Variants in RBFOX1 observed in about 807,000 individuals in gnomAD.
RBFOX1 encodes the protein RNA binding fox-1 homolog 1.
A neutral mutation model predicts 57.7 loss-of-function variants in RBFOX1; 8 were observed. The observed-to-expected ratio is 0.14, with a 90% confidence interval of 0.08 to 0.25. The LOEUF (loss-of-function observed/expected upper bound fraction) is 0.25. RBFOX1 is among the 10% of genes least tolerant of loss of function. RBFOX1 has a pLI of 1.00. For missense variants in RBFOX1, 611 were observed against 548.5 expected (o/e 1.11, Z -1.14); for synonymous variants, 326 against 222.4 (o/e 1.47, Z -4.15).
intron 2 of RBFOX1, among the ~76,000 whole-genome samples, chr16:5,596,297 T>G (rs1461000346): frequency 2.6e-5 from 4 of 152,322 alleles, no homozygotes; most frequent in East Asian, 1.9e-4. Flanking sequence ...TTCTCTTTTC[T>G]TCCAATCAGC....
intron 4 of RBFOX1, among the ~76,000 whole-genome samples, chr16:5,995,087 G>C (rs962856585): frequency 6.6e-6 from 1 of 152,182 alleles, no homozygotes; most frequent in Non-Finnish European, 1.5e-5. Flanking sequence ...GTTCTGCCAA[G>C]TCTTCTTGAA....
intron 9 of RBFOX1, among the ~76,000 whole-genome samples, chr16:7,599,363 A>C (rs2094885093): frequency 6.6e-6 from 1 of 152,262 alleles, no homozygotes; most frequent in South Asian, 2.1e-4. Flanking sequence ...GAGCGAGAAA[A>C]GCCAAATATT....
chr16:7,076,644 T>C (rs555956875), intron 4 of RBFOX1, among the ~76,000 whole-genome samples: 1 of 152,276 alleles, frequency 6.6e-6, no homozygotes, highest in South Asian at 2.1e-4. Flanking sequence ...TTCCTCCCAA[T>C]AATATACCAT....
rs74004471 is a variant in RBFOX1 at position 5,672,334 on chromosome 16, G to A, written c.318+73373G>A. Reference sequence around the variant, plus strand: ...GTTATTCTGATGCCATGTGTCAGGAGGGCTCTTGACTTCATGCCTGGTGCT... The same window carrying A: ...GTTATTCTGATGCCATGTGTCAGGAAGGCTCTTGACTTCATGCCTGGTGCT... On this transcript the variant is annotated intron_variant, in intron 3 of 19. Transcript: ENST00000641259. 4.6e-3 allele frequency among the ~76,000 whole-genome samples: 705 copies of A among 152,208 alleles called. 4 individuals are homozygous for A. Among genetic ancestry groups the A allele is most frequent in the African/African-American group, 0.015 (615 of 41,528 alleles).
chr16:7,671,572 G>A, intron 13 of RBFOX1: 2 of 1,611,494 alleles, frequency 1.2e-6, no homozygotes, highest in Non-Finnish European at 1.7e-6. Flanking sequence ...TGTATCAAGA[G>A]CCTGTGTATG....
At chr16:6,701,125 C>CTGTG (rs1333880329) in intron 3 of RBFOX1, among the ~76,000 whole-genome samples, 28 of 137,932 alleles carry the variant, frequency 2.0e-4, no homozygotes, top group African/African-American at 7.8e-4. Flanking sequence ...ATCAGTGTCT[C>CTGTG]TGTGTGTGTA....
intron 4 of RBFOX1, among the ~76,000 whole-genome samples, chr16:7,121,902 A>G (rs1258840557): frequency 6.6e-6 from 1 of 151,520 alleles, no homozygotes; most frequent in Non-Finnish European, 1.5e-5. Context: ...AAATCTTAGA[A>G]AAGGTACAAA....
chr16:6,305,117 G>T (rs1032380443), intron 1 of RBFOX1, among the ~76,000 whole-genome samples: 4 of 152,196 alleles, frequency 2.6e-5, no homozygotes, highest in Non-Finnish European at 4.4e-5. Flanking sequence ...ACATCAATCA[G>T]TGTCTTTCTC....
At chr16:6,130,867 C>T (rs1166708734) in intron 1 of RBFOX1, among the ~76,000 whole-genome samples, 1 of 152,102 alleles carries the variant, frequency 6.6e-6, no homozygotes, top group Non-Finnish European at 1.5e-5. Flanking sequence ...CTTCAAAATA[C>T]ATCAAGCAGA....
intron 4 of RBFOX1, among the ~76,000 whole-genome samples, chr16:7,253,722 T>G (rs2094572327): frequency 6.6e-6 from 1 of 152,178 alleles, no homozygotes; most frequent in African/African-American, 2.4e-5. Flanking sequence ...CACCACATAG[T>G]ATTCTGTGTC....
At chr16:7,435,995 C>T (rs914133668) in intron 4 of RBFOX1, among the ~76,000 whole-genome samples, 9 of 152,244 alleles carry the variant, frequency 5.9e-5, no homozygotes, top group Middle Eastern at 6.8e-3. Context: ...CTTTTCTCTG[C>T]GCTGTGATCT....
intron 3 of RBFOX1, among the ~76,000 whole-genome samples, chr16:5,807,339 C>T (rs990087695): frequency 2.6e-5 from 4 of 152,098 alleles, no homozygotes; most frequent in African/African-American, 9.7e-5. Context: ...ATTTCCTTCA[C>T]AATCTTGTGG....
At chr16:6,916,402 C>G (rs771750749) in intron 3 of RBFOX1, among the ~76,000 whole-genome samples, 7 of 151,962 alleles carry the variant, frequency 4.6e-5, no homozygotes, top group African/African-American at 1.7e-4. Flanking sequence ...GTTTTCATTT[C>G]TCTTGAATAT....
intron 2 of RBFOX1, among the ~76,000 whole-genome samples, chr16:6,489,501 C>T (rs1207184940): frequency 6.6e-6 from 1 of 152,106 alleles, no homozygotes; most frequent in African/African-American, 2.4e-5. Flanking sequence ...GATCACACAG[C>T]TTCTAAGTGG....
intron 1 of RBFOX1, among the ~76,000 whole-genome samples, chr16:5,249,804 C>T (rs763137508): frequency 6.6e-6 from 1 of 152,186 alleles, no homozygotes; most frequent in African/African-American, 2.4e-5. Context: ...ACAAAAAATA[C>T]AAAAGTTAGC....
At chr16:7,045,488 T>C (rs1225566658) in intron 3 of RBFOX1, among the ~76,000 whole-genome samples, 1 of 152,160 alleles carries the variant, frequency 6.6e-6, no homozygotes, top group Admixed American at 6.5e-5. Flanking sequence ...GGATTTTGCA[T>C]TGTCTGCAAT....
At chr16:6,581,728 G>A (rs1487560830) in intron 2 of RBFOX1, among the ~76,000 whole-genome samples, 1 of 152,220 alleles carries the variant, frequency 6.6e-6, no homozygotes, top group Non-Finnish European at 1.5e-5. Flanking sequence ...TCACAGCTGT[G>A]TTTATGGAGG....
At chr16:7,045,671 G>C (rs147872885) in intron 3 of RBFOX1, among the ~76,000 whole-genome samples, 1 of 151,442 alleles carries the variant, frequency 6.6e-6, no homozygotes, top group African/African-American at 2.4e-5. Context: ...TTTCAATAGA[G>C]CGAGACATTG....
At chr16:7,462,347 T>C (rs2059735665) in intron 4 of RBFOX1, among the ~76,000 whole-genome samples, 1 of 152,194 alleles carries the variant, frequency 6.6e-6, no homozygotes, top group East Asian at 1.9e-4. Context: ...ACACAAAAAT[T>C]TGCCTGGTAT....
Sources: allele counts gnomAD v4.1 joint callset (sites outside exome capture counted in the v4.1 genomes callset), GRCh38; gene constraint gnomAD v4.1.1; transcripts MANE v1.5; gene names NCBI Gene and HGNC (gene_info 2026-07-23, HGNC 2026-07-21).